DPYD: variants seen among roughly 807,000 people sequenced by gnomAD.
DPYD encodes the protein dihydropyrimidine dehydrogenase.
DPYD carries 109 observed loss-of-function variants against 116.2 expected under a neutral mutation model. The observed-to-expected ratio is 0.94, with a 90% CI of 0.80 to 1.10. The LOEUF (loss-of-function observed/expected upper bound fraction) is 1.10. Ranked by LOEUF, DPYD falls within the 50% of genes least tolerant of loss-of-function variation. The pLI, the probability that DPYD is intolerant of heterozygous loss-of-function variation, is 0.00. For missense variants in DPYD, 1,302 were observed against 1,254.5 expected (o/e 1.04, Z -0.57); for synonymous variants, 440 against 432.0 (o/e 1.02, Z -0.23).
At chr1:97,226,203 ACT>A (rs1661147207) in intron 19 of DPYD, among the ~76,000 whole-genome samples, 1 of 152,060 alleles carries the variant, frequency 6.6e-6, no homozygotes, top group Non-Finnish European at 1.5e-5. Context: ...CTTAATAAAA[ACT>A]CTCAAAAAAT....
intron 11 of DPYD, among the ~76,000 whole-genome samples, chr1:97,566,318 C>T (rs543064739): frequency 3.3e-5 from 5 of 152,242 alleles, no homozygotes; most frequent in Non-Finnish European, 4.4e-5. Flanking sequence ...AGCCACCATA[C>T]GTTATTTAAA....
intron 3 of DPYD, among the ~76,000 whole-genome samples, chr1:97,791,092 T>A (rs536111640): frequency 2.0e-5 from 3 of 152,306 alleles, no homozygotes; most frequent in African/African-American, 7.2e-5. Context: ...ATTTTTCTCA[T>A]AAGACATCAG....
At chr1:97,688,255 T>C (rs1660838786) in intron 7 of DPYD, among the ~76,000 whole-genome samples, 1 of 152,156 alleles carries the variant, frequency 6.6e-6, no homozygotes, top group Non-Finnish European at 1.5e-5. Flanking sequence ...ACTGTTTATT[T>C]TAAAGAAAAT....
intron 18 of DPYD, among the ~76,000 whole-genome samples, chr1:97,270,746 C>A (rs1054518028): frequency 1.3e-5 from 2 of 152,104 alleles, no homozygotes; most frequent in Non-Finnish European, 2.9e-5. Context: ...GCCATCCTTG[C>A]CTATTTAAAC....
intron 1 of DPYD, among the ~76,000 whole-genome samples, chr1:97,897,911 T>C (rs1374378884): frequency 6.6e-6 from 1 of 151,920 alleles, no homozygotes; most frequent in African/African-American, 2.4e-5. Context: ...ATGATAGACA[T>C]TGTGAATTTT....
intron 16 of DPYD, among the ~76,000 whole-genome samples, chr1:97,345,764 A>G (rs1321352706): frequency 6.6e-6 from 1 of 151,932 alleles, no homozygotes; most frequent in African/African-American, 2.4e-5. Flanking sequence ...CTTGCTTTAT[A>G]TGATAACATA....
At chr1:97,550,444 T>C (rs916740531) in intron 11 of DPYD, among the ~76,000 whole-genome samples, 8 of 152,116 alleles carry the variant, frequency 5.3e-5, no homozygotes, top group Admixed American at 6.6e-5. Context: ...AAAAGAGTCA[T>C]GGAAGAGGAA....
intron 19 of DPYD, among the ~76,000 whole-genome samples, chr1:97,231,538 A>G (rs941844381): frequency 3.3e-5 from 5 of 152,102 alleles, no homozygotes; most frequent in African/African-American, 9.7e-5. Flanking sequence ...CACCAGATCT[A>G]GTGAGACTTA....
intron 20 of DPYD, among the ~76,000 whole-genome samples, chr1:97,138,046 A>C (rs1452754071): frequency 6.6e-6 from 1 of 152,148 alleles, no homozygotes; most frequent in Non-Finnish European, 1.5e-5. Flanking sequence ...TACGGCTTTC[A>C]CAGGCTTTTT....
rs1666326434 is a variant in DPYD, at chr1:97,775,073, T to C, written c.234-34594A>G. The C allele has an allele frequency of 2.3e-5, 4 of 170,724 alleles. No homozygotes were observed. The South Asian group carries it at 6.4e-4, about 27-fold the overall frequency. 10.6% of individuals were successfully genotyped at this position (170,724 alleles called of 1,614,324 possible). ...TATCATCATTATATTGCCAGACTCATATTATTATCTACTATTTTAAAAATA... is the reference window on the plus strand; with the variant it reads ...TATCATCATTATATTGCCAGACTCACATTATTATCTACTATTTTAAAAATA... On this transcript the variant is annotated intron_variant, in intron 3 of 22. Transcript: ENST00000370192.
chr1:97,429,822 T>C (rs1675073800), intron 14 of DPYD, among the ~76,000 whole-genome samples: 1 of 152,122 alleles, frequency 6.6e-6, no homozygotes, highest in Non-Finnish European at 1.5e-5. Context: ...AATTTAATGC[T>C]ATACTCTTGT....
At chr1:97,343,268 T>C (rs1224624153) in intron 16 of DPYD, among the ~76,000 whole-genome samples, 1 of 152,096 alleles carries the variant, frequency 6.6e-6, no homozygotes, top group Admixed American at 6.6e-5. Flanking sequence ...TCTCTTCAAT[T>C]GTCACAAACA....
intron 8 of DPYD, among the ~76,000 whole-genome samples, chr1:97,673,381 T>G (rs1219278179): frequency 6.6e-6 from 1 of 152,154 alleles, no homozygotes; most frequent in African/African-American, 2.4e-5. Flanking sequence ...TAATGTAAAA[T>G]GTATTCCCCC....
chr1:97,880,071 T>G (rs983967542), intron 2 of DPYD, among the ~76,000 whole-genome samples: 1 of 151,660 alleles, frequency 6.6e-6, no homozygotes, highest in African/African-American at 2.4e-5. Flanking sequence ...AATATATAGA[T>G]AGAGAGACAG....
At chr1:97,379,884 A>G (rs1404599007) in intron 15 of DPYD, among the ~76,000 whole-genome samples, 1 of 152,208 alleles carries the variant, frequency 6.6e-6, no homozygotes, top group Non-Finnish European at 1.5e-5. Flanking sequence ...ATCTTGTGAA[A>G]TGATGTGCTA....
At chr1:97,423,111 T>C (rs1674673574) in intron 14 of DPYD, among the ~76,000 whole-genome samples, 1 of 151,816 alleles carries the variant, frequency 6.6e-6, no homozygotes, top group Admixed American at 6.6e-5. Flanking sequence ...TGAAATGCTG[T>C]CATGGAAGCA....
intron 3 of DPYD, among the ~76,000 whole-genome samples, chr1:97,798,502 C>G (rs1667692762): frequency 6.6e-6 from 1 of 151,758 alleles, no homozygotes; most frequent in Non-Finnish European, 1.5e-5. Flanking sequence ...TTATTCTACC[C>G]ATTTTAAGTA....
At chr1:97,101,286 A>T (rs1399530077) in intron 20 of DPYD, among the ~76,000 whole-genome samples, 2 of 151,924 alleles carry the variant, frequency 1.3e-5, no homozygotes, top group East Asian at 3.9e-4. Context: ...TAGTTTGAAA[A>T]TTTAAGTGCT....
At chr1:97,702,718 T>A (rs1417496139) in intron 5 of DPYD, among the ~76,000 whole-genome samples, 1 of 151,958 alleles carries the variant, frequency 6.6e-6, no homozygotes, top group Non-Finnish European at 1.5e-5. Context: ...ACGCCTAGCA[T>A]ATCTGAACAA....
Sources: allele counts gnomAD v4.1 joint callset (sites outside exome capture counted in the v4.1 genomes callset), GRCh38; gene constraint gnomAD v4.1.1; transcripts MANE v1.5; gene names NCBI Gene and HGNC (gene_info 2026-07-23, HGNC 2026-07-21).